The following OGFOD3 variants were observed in gnomAD, a reference collection of about 807,000 sequenced individuals.
OGFOD3 encodes 2-oxoglutarate and iron dependent oxygenase domain containing 3.
Under a neutral mutation model 39.8 loss-of-function variants are expected in OGFOD3, and 35 were observed. That is an observed-to-expected ratio of 0.88 (90% confidence interval 0.67 to 1.17). The LOEUF is 1.17. Among genes scored for constraint, OGFOD3 ranks in the 50% most tolerant of loss-of-function variants. The pLI is 0.00. For missense variants in OGFOD3, 438 were observed against 454.5 expected (o/e 0.96, Z 0.33); for synonymous variants, 200 against 192.0 (o/e 1.04, Z -0.34).
At chr17:82,416,173 T>C (rs968823310) in intron 1 of OGFOD3, among the ~76,000 whole-genome samples, 12 of 151,890 alleles carry the variant, frequency 7.9e-5, no homozygotes, top group African/African-American at 1.7e-4. Context: ...GAGGTGGAGG[T>C]TGCAGTGACC....
intron 8 of OGFOD3, among the ~76,000 whole-genome samples, chr17:82,397,301 G>A (rs1055764650): frequency 1.3e-5 from 2 of 150,306 alleles, no homozygotes; most frequent in Non-Finnish European, 3.0e-5. Flanking sequence ...TGAGGGCAGT[G>A]CCCTGGGGAC....
intron 2 of OGFOD3, among the ~76,000 whole-genome samples, chr17:82,414,906 C>G (rs542863643): frequency 1.3e-5 from 2 of 152,302 alleles, no homozygotes; most frequent in East Asian, 3.9e-4. Flanking sequence ...GTGCGCTCTC[C>G]AAGGTGCTGA....
chr17:82,404,033 G>C lies in OGFOD3; in HGVS notation c.603C>G (p.Ser201=). Reference sequence around the variant, plus strand: ...AGGTGGGCTTGGTCAGATGCAGCGAGGATGCGCTGATGCCAAAAGCCTCAG... The same window carrying C: ...AGGTGGGCTTGGTCAGATGCAGCGACGATGCGCTGATGCCAAAAGCCTCAG... ...TIAEAFGISA[S]SLHLTKPTFF... The change falls in exon 7 of 9, where the codon TCC becomes TCG. Residue 201 remains serine, a synonymous_variant. Transcript: ENST00000313056. The surrounding 1 kb of genome is among the most constrained non-coding windows in gnomAD (Gnocchi z 4.5). 1 of 1,610,412 alleles carries C rather than the reference G, an allele frequency of 6.2e-7. No individual in the cohort carries two copies. The highest frequency in any genetic ancestry group is 8.5e-7 in the Non-Finnish European group (1 of 1,178,530).
At chr17:82,412,446 AGGGGCATGGTTATCG>A (rs2052965380) in intron 2 of OGFOD3, among the ~76,000 whole-genome samples, 8 of 102,198 alleles carry the variant, frequency 7.8e-5, no homozygotes, top group Admixed American at 9.4e-5. Flanking sequence ...TTATCGGGGC[AGGGGCATGGTTATCG>A]GGGCAGGGGC....
At chr17:82,403,547 G>A (rs986471520) in intron 7 of OGFOD3, among the ~76,000 whole-genome samples, 2 of 152,144 alleles carry the variant, frequency 1.3e-5, no homozygotes, top group Non-Finnish European at 2.9e-5. Context: ...CAGGAGAATC[G>A]CCTGAACCCG....
chr17:82,392,294 A>T lies in OGFOD3; in HGVS notation c.*104T>A. ...GCAAATCAAAATCAGAGAATTCCTAAGGCACTCTGTGCAACAGGAGCGGGT... is the reference window on the plus strand; with the variant it reads ...GCAAATCAAAATCAGAGAATTCCTATGGCACTCTGTGCAACAGGAGCGGGT... On this transcript the variant is annotated 3_prime_UTR_variant, in exon 9 of 9. Transcript: ENST00000313056. The surrounding 1 kb of genome is among the most constrained non-coding windows in gnomAD (Gnocchi z 4.2). 8.0e-7 allele frequency: 1 copy of T among 1,251,504 alleles called. No homozygotes were observed. The highest frequency in any genetic ancestry group is 1.1e-6 in the Non-Finnish European group (1 of 905,178). 77.5% of individuals were successfully genotyped at this position (1,251,504 alleles called of 1,614,324 possible).
intron 2 of OGFOD3, among the ~76,000 whole-genome samples, chr17:82,413,008 T>C (rs2052976619): frequency 6.6e-6 from 1 of 152,198 alleles, no homozygotes; most frequent in Non-Finnish European, 1.5e-5. Flanking sequence ...TTCCTTTCTC[T>C]GGGCCTTGTG....
At chr17:82,402,598 T>C (rs1264398351) in intron 7 of OGFOD3, among the ~76,000 whole-genome samples, 6 of 151,392 alleles carry the variant, frequency 4.0e-5, no homozygotes, top group Admixed American at 1.3e-4. Context: ...AATACAAAAA[T>C]TAGCCGAGCG....
chr17:82,415,421 T>TAG lies in OGFOD3; in HGVS notation c.279_280dup (p.Tyr94SerfsTer36). 1 of 1,613,932 alleles carries TAG rather than the reference T, an allele frequency of 6.2e-7. No homozygotes were observed. Among genetic ancestry groups the TAG allele is most frequent in the Non-Finnish European group, 8.5e-7 (1 of 1,179,900 alleles). ...ACCTTCGAACCTGCGGTGACTGTCGTAGTCCTCAGAGCAGGGCACCTCGAT... is the reference window on the plus strand; with the variant it reads ...ACCTTCGAACCTGCGGTGACTGTCGTAGAGTCCTCAGAGCAGGGCACCTCGAT... On this transcript the variant is annotated frameshift_variant, in exon 2 of 9. Coordinates refer to ENST00000313056, the MANE Select transcript of OGFOD3 (RefSeq NM_024648.3). LOFTEE classifies it high-confidence loss of function. The surrounding 1 kb of genome is among the most constrained non-coding windows in gnomAD (Gnocchi z 5.3).
In OGFOD3 at chr17:82,391,048, A is replaced by G. The variant is rs2143163257; in HGVS notation, c.*1350T>C. 6.1e-6 allele frequency: 1 copy of G among 164,946 alleles called. No individual in the cohort carries two copies. The highest frequency in any genetic ancestry group is 6.5e-5 in the Admixed American group (1 of 15,468). 10.2% of individuals were successfully genotyped at this position (164,946 alleles called of 1,614,324 possible). A position where few individuals can be genotyped will look rare whatever the true frequency, so the allele number is the denominator to read the frequency against. On this transcript the variant is annotated 3_prime_UTR_variant, in exon 9 of 9. Transcript: ENST00000313056. The surrounding 1 kb of genome is among the most constrained non-coding windows in gnomAD (Gnocchi z 5.1). ...GCCAGGGGCTAGGGAACATGGATCTATGCCAGACAGGCTAAGGGAGGAGGG... is the reference window on the plus strand; with the variant it reads ...GCCAGGGGCTAGGGAACATGGATCTGTGCCAGACAGGCTAAGGGAGGAGGG...
intron 8 of OGFOD3, chr17:82,393,924 C>T (rs900672149): frequency 3.3e-5 from 5 of 152,094 alleles, no homozygotes; most frequent in African/African-American, 1.2e-4. Flanking sequence ...AGGCAGGAAA[C>T]CACCCACCAT....
chr17:82,398,836 T>C lies in OGFOD3; in HGVS notation c.700-517A>G, dbSNP rs2052718815. Among the ~76,000 whole-genome samples the C allele has an allele frequency of 2.6e-5, 4 of 151,044 alleles. No homozygotes were observed. In the South Asian group the frequency reaches 6.3e-4, roughly 24 times the overall value. Reference sequence around the variant, plus strand: ...AATCCTCCTGCCTCAGCATCCCGGGTAGCCAGGACCACAGGCGCACGACAC... The same window carrying C: ...AATCCTCCTGCCTCAGCATCCCGGGCAGCCAGGACCACAGGCGCACGACAC... On this transcript the variant is annotated intron_variant, in intron 7 of 8. Transcript: ENST00000313056.
rs2052925627 is a variant in OGFOD3, at chr17:82,410,562, C to T, written c.380+893G>A. 3.3e-5 allele frequency among the ~76,000 whole-genome samples: 5 copies of T among 152,150 alleles called. 1 individual carries two copies. The South Asian group carries it at 1.0e-3, about 31-fold the overall frequency. On this transcript the variant is annotated intron_variant, in intron 3 of 8. Transcript: ENST00000313056. ...CGGAGGCTCCGTGGGGAGCATGGGGCACTCAGCAGCAGCCCCCAGAGGCGG... is the reference window on the plus strand; with the variant it reads ...CGGAGGCTCCGTGGGGAGCATGGGGTACTCAGCAGCAGCCCCCAGAGGCGG...
chr17:82,412,210 C>T (rs1050052832), intron 2 of OGFOD3, among the ~76,000 whole-genome samples: 4 of 152,318 alleles, frequency 2.6e-5, no homozygotes, highest in Admixed American at 2.6e-4. Context: ...CTGTCTCTCC[C>T]CGTACCTTGG....
Position 82,392,167 on chromosome 17 carries a change from C to A in OGFOD3, c.*231G>T. ...TCCTGCTGGGTCCCTTTCCTGGCCT[C>A]CACCTCAGGCTCCCAGGCCTACAGC... On this transcript the variant is annotated 3_prime_UTR_variant, in exon 9 of 9. Coordinates refer to ENST00000313056, the MANE Select transcript of OGFOD3 (RefSeq NM_024648.3). This position sits in a 1 kb window ranked among gnomAD's most constrained non-coding sequence, Gnocchi z 4.2. 1 of 586,412 alleles carries A rather than the reference C, an allele frequency of 1.7e-6. No homozygotes were observed. Among genetic ancestry groups the A allele is most frequent in the African/African-American group, 1.9e-5 (1 of 53,374 alleles). 36.3% of individuals were successfully genotyped at this position (586,412 alleles called of 1,614,324 possible). A position where few individuals can be genotyped will look rare whatever the true frequency, so the allele number is the denominator to read the frequency against.
rs1270731574 is a variant in OGFOD3, at chr17:82,415,635, C to A, written c.75-8G>T. The A allele has an allele frequency of 6.2e-7, 1 of 1,601,920 alleles. No homozygotes were observed. Among genetic ancestry groups the A allele is most frequent in the African/African-American group, 1.3e-5 (1 of 74,628 alleles). Reference sequence around the variant, plus strand: ...GCTCGGTCCTTCTTGGTGCTGAGAACAGAAAACAGGCCACGTCACCCAAAC... The same window carrying A: ...GCTCGGTCCTTCTTGGTGCTGAGAAAAGAAAACAGGCCACGTCACCCAAAC... On this transcript the variant is annotated splice_polypyrimidine_tract_variant and splice_region_variant and intron_variant, in intron 1 of 8. Transcript: ENST00000313056. The surrounding 1 kb of genome is among the most constrained non-coding windows in gnomAD (Gnocchi z 5.3).
rs1258870593 is a variant in OGFOD3, at chr17:82,392,748, G to A, written c.824-214C>T. 4 of 602,508 alleles carry A rather than the reference G, an allele frequency of 6.6e-6. No homozygotes were observed. The African/African-American group carries it at 7.4e-5, about 11-fold the overall frequency. 37.3% of individuals were successfully genotyped at this position (602,508 alleles called of 1,614,324 possible). A position where few individuals can be genotyped will look rare whatever the true frequency, so the allele number is the denominator to read the frequency against. On this transcript the variant is annotated intron_variant, in intron 8 of 8. Transcript: ENST00000313056. The surrounding 1 kb of genome is among the most constrained non-coding windows in gnomAD (Gnocchi z 4.2). ...CTCAGGGGCCCTGTGGCGGAGGAGG[G>A]GCCCCCCGGGGCCAGCAGGGACTCT...
At position 82,392,141 on chromosome 17, in the gene OGFOD3, G is replaced by A. The variant is rs965535910; in HGVS notation, c.*257C>T. ...ATTCACAGATGGGGACTTGTGCCCC[G>A]TCCTGCTGGGTCCCTTTCCTGGCCT... On this transcript the variant is annotated 3_prime_UTR_variant, in exon 9 of 9. Coordinates refer to ENST00000313056, the MANE Select transcript of OGFOD3 (RefSeq NM_024648.3). The surrounding 1 kb of genome is among the most constrained non-coding windows in gnomAD (Gnocchi z 4.2). 11 of 545,372 alleles carry A rather than the reference G, an allele frequency of 2.0e-5. No homozygotes were observed. Among genetic ancestry groups the A allele is most frequent in the South Asian group, 4.4e-5 (2 of 45,650 alleles). 33.8% of individuals were successfully genotyped at this position (545,372 alleles called of 1,614,324 possible).
chr17:82,402,079 C>T (rs1041866448), intron 7 of OGFOD3, among the ~76,000 whole-genome samples: 2 of 152,098 alleles, frequency 1.3e-5, no homozygotes, highest in Admixed American at 6.6e-5. Context: ...AAAAATCACC[C>T]TTAAAGAATT....
Sources: gnomAD v4.1 joint callset for allele counts (sites outside exome capture counted in the v4.1 genomes callset) on GRCh38, gnomAD v4.1.1 for gene constraint, Gnocchi (gnomAD v3.1) non-coding constraint, MANE v1.5 for transcripts, NCBI Gene and HGNC (gene_info 2026-07-23, HGNC 2026-07-21) for gene names.